The following PLCD1 variants were observed in gnomAD, a reference collection of about 807,000 sequenced individuals.
The protein encoded by PLCD1 is phospholipase C delta 1.
In PLCD1, 71 loss-of-function variants were observed where a neutral mutation model predicts 87.4. The observed-to-expected ratio is 0.81, with a 90% CI of 0.67 to 0.99. The LOEUF (loss-of-function observed/expected upper bound fraction) is 0.99. Ranked by LOEUF, PLCD1 falls within the 50% of genes least tolerant of loss-of-function variation. The pLI is 0.00. For missense variants in PLCD1, 867 were observed against 1,001.5 expected, an observed-to-expected ratio of 0.87 and a Z score of 1.81; for synonymous variants, 348 against 399.2, an observed-to-expected ratio of 0.87 and a Z score of 1.53.
At chr3:38,028,813 GGGCAAAGAGCT>G (rs1700333274) in intron 1 of PLCD1, among the ~76,000 whole-genome samples, 1 of 152,222 alleles carries the variant, frequency 6.6e-6, no homozygotes, top group Admixed American at 6.5e-5. Context: ...GACAGCGAAA[GGGCAAAGAGCT>G]GGCTCATATT....
Position 38,008,086 on chromosome 3 carries a change from C to A in PLCD1, c.2113G>T (p.Glu705Ter). ...PDLALIRFLVEDYDASSKNDF... is the reference protein window; with the variant it reads ...PDLALIRFLV The stretch of plus-strand genomic sequence containing the variant: ...TTCTTGGAGGAGGCATCATAATCTT[C>A]CACCAAGAAGCGGATGAGGGCAAGG... The change falls in exon 14 of 15, where the codon GAA (glutamate) becomes TAA (stop). Residue 705 changes from glutamate to a stop codon, truncating the protein, a stop_gained. Transcript: ENST00000334661. LOFTEE classifies it high-confidence loss of function. 6.2e-7 allele frequency: 1 copy of A among 1,614,202 alleles called. No individual in the cohort carries two copies.
intron 11 of PLCD1, 94 bp from the exon 12 acceptor site, chr3:38,008,730 G>T: frequency 8.6e-7 from 1 of 1,156,516 alleles, no homozygotes; most frequent in Non-Finnish European, 1.3e-6. Flanking sequence ...AGGGTCACAT[G>T]GTGAGTTAGC....
At chr3:38,012,948 G>C (rs541152005) in intron 3 of PLCD1, among the ~76,000 whole-genome samples, 99 of 152,234 alleles carry the variant, frequency 6.5e-4, no homozygotes, top group African/African-American at 2.3e-3. Context: ...CTGTTGCCCA[G>C]GCTTGAGTGC....
At chr3:38,011,126 C>A in intron 5 of PLCD1, 88 bp downstream of exon 5, 1 of 1,067,590 alleles carries the variant, frequency 9.4e-7, no homozygotes, top group Non-Finnish European at 1.4e-6. Flanking sequence ...CCTCCGGTTC[C>A]CTTCTTTCTG....
At chr3:38,016,370 A>G (rs1173088412) in intron 3 of PLCD1, 121 bp downstream of exon 3, 2 of 723,876 alleles carry the variant, frequency 2.8e-6, no homozygotes, top group African/African-American at 1.7e-5. Flanking sequence ...TAAGCCACCT[A>G]TGATATTTTG....
chr3:38,007,768 C>G lies in PLCD1; in HGVS notation c.*5G>C. On this transcript the variant is annotated 3_prime_UTR_variant, in exon 15 of 15. Coordinates refer to ENST00000334661, the MANE Select transcript of PLCD1 (RefSeq NM_006225.4). Reference sequence around the variant, plus strand: ...TCAGGGGGGACCCCACTGGCTTCCTCCAGCCTAGTCCTGGAGGGAGATCTT... The same window carrying G: ...TCAGGGGGGACCCCACTGGCTTCCTGCAGCCTAGTCCTGGAGGGAGATCTT... The G allele has an allele frequency of 6.2e-7, 1 of 1,612,470 alleles. No homozygotes were observed. Among genetic ancestry groups the G allele is most frequent in the Non-Finnish European group, 8.5e-7 (1 of 1,178,606 alleles).
In PLCD1 at chr3:38,024,469, G is replaced by A. The variant is rs760038918; in HGVS notation, c.35-4117C>T. On this transcript the variant is annotated intron_variant, in intron 1 of 14. Transcript: ENST00000334661. The stretch of plus-strand genomic sequence containing the variant: ...AGTGCCCCTGCCTGCGCGGAGCCGG[G>A]TCCGGGGCAGTGCCGCCTCCAGTGT... The A allele has an allele frequency of 1.6e-5, 25 of 1,590,864 alleles. No homozygotes were observed. The African/African-American group carries it at 2.8e-4, about 18-fold the overall frequency.
At position 38,008,261 on chromosome 3, in the gene PLCD1, C is replaced by T. The variant is rs139342994; in HGVS notation, c.2009G>A (p.Arg670His). ...ATTGTTGGTGATGACAGCAGTCTGG[C>T]GGCTGGCCACGTCCCGGCTCACGCC... ...IHGVSRDVAS[R>H]QTAVITNNGF... The change falls in exon 13 of 15, where the codon CGC becomes CAC. Residue 670 changes from arginine to histidine, a missense_variant. Arg to His is a conservative substitution (Grantham distance 29). Transcript: ENST00000334661. 402 of 1,614,022 alleles carry T rather than the reference C, an allele frequency of 2.5e-4. No individual in the cohort carries two copies. The Middle Eastern group carries it at 3.1e-3, about 13-fold the overall frequency.
At chr3:38,009,189 GA>G (rs1559370961) in intron 10 of PLCD1, 31 bp from the exon 11 acceptor site, 1 of 1,611,104 alleles carries the variant, frequency 6.2e-7, no homozygotes, top group African/African-American at 1.3e-5. Context: ...GTCAGCAGTG[GA>G]GGCCTCCTGG....
chr3:38,024,856 A>C, intron 1 of PLCD1: 3 of 563,850 alleles, frequency 5.3e-6, no homozygotes, highest in Non-Finnish European at 5.2e-6. Flanking sequence ...GGGACTAACG[A>C]CCCCTGGAGA....
chr3:38,015,521 A>C (rs1315030024), intron 3 of PLCD1, among the ~76,000 whole-genome samples: 1 of 152,212 alleles, frequency 6.6e-6, no homozygotes, highest in Non-Finnish European at 1.5e-5. Flanking sequence ...ATGGCTGCAC[A>C]ATTCTGTGAA....
rs2125552209 is a variant in PLCD1 at position 38,025,584 on chromosome 3, A to C, written c.34+3922T>G. Among the ~76,000 whole-genome samples, 1 of 152,360 alleles carries C rather than the reference A, an allele frequency of 6.6e-6. No homozygotes were observed. Among genetic ancestry groups the C allele is most frequent in the African/African-American group, 2.4e-5 (1 of 41,588 alleles). ...TTTGACCACCAAAGTGATAATCCCC[A>C]AGGTGACGGATGCAAACGAAATTCT... On this transcript the variant is annotated intron_variant, in intron 1 of 14. Coordinates refer to ENST00000334661, the MANE Select transcript of PLCD1 (RefSeq NM_006225.4). This position sits in a 1 kb window ranked among gnomAD's most constrained non-coding sequence, Gnocchi z 4.0.
At chr3:38,019,833 G>A (rs955341448) in intron 2 of PLCD1, among the ~76,000 whole-genome samples, 4 of 152,106 alleles carry the variant, frequency 2.6e-5, no homozygotes, top group South Asian at 2.1e-4. Context: ...TTGGGCCACC[G>A]TCCAACTCCC....
chr3:38,024,198 C>T (rs1700274215), intron 1 of PLCD1: 2 of 739,976 alleles, frequency 2.7e-6, no homozygotes, highest in East Asian at 5.4e-5. Context: ...CAGTGGGCCA[C>T]ACACTCACAG....
chr3:38,011,659 C>G lies in PLCD1; in HGVS notation c.443G>C (p.Cys148Ser). The G allele has an allele frequency of 6.2e-7, 1 of 1,614,202 alleles. No individual in the cohort carries two copies. The highest frequency in any genetic ancestry group is 8.5e-7 in the Non-Finnish European group (1 of 1,180,018). ...CTTGTTTTTGTCAGCTTTTCGCAAG[C>G]AGGAGTGAATCCAGCTGGGCAAGAA... ...RQKLQHWIHS[C>S]LRKADKNKDN... Residue 148 changes from cysteine to serine, a missense_variant, in exon 4 of 15, where the codon TGC becomes TCC. Coordinates refer to ENST00000334661, the MANE Select transcript of PLCD1 (RefSeq NM_006225.4).
At chr3:38,020,826 C>T (rs1244094338) in intron 1 of PLCD1, among the ~76,000 whole-genome samples, 2 of 152,158 alleles carry the variant, frequency 1.3e-5, no homozygotes, top group Admixed American at 1.3e-4. Flanking sequence ...GGGGGACAGA[C>T]ACAGATGGAC....
At chr3:38,013,755 C>T (rs1700117358) in intron 3 of PLCD1, among the ~76,000 whole-genome samples, 1 of 152,200 alleles carries the variant, frequency 6.6e-6, no homozygotes, top group Admixed American at 6.5e-5. Context: ...AAGGTCAAGG[C>T]TCTGCCAAAG....
rs76520765 is a variant in PLCD1, at chr3:38,011,790, T to C, written c.429-117A>G. ...AGCCACAGCTCCCTGCAGGCCTGAC[T>C]TACTACACATCCATGTTTCAGTGGC... On this transcript the variant is annotated intron_variant, in intron 3 of 14. Coordinates refer to ENST00000334661, the MANE Select transcript of PLCD1 (RefSeq NM_006225.4). 562 of 912,390 alleles carry C rather than the reference T, an allele frequency of 6.2e-4. 6 individuals carry two copies. In the East Asian group the frequency reaches 0.011, roughly 17 times the overall value. The allele number at this position is 912,390 out of a possible 1,614,324, so 56.5% of individuals were successfully genotyped here.
chr3:38,009,369 G>T lies in PLCD1; in HGVS notation c.1509C>A (p.His503Gln), dbSNP rs1346281110. The change falls in exon 10 of 15, where the codon CAC (histidine) becomes CAA (glutamine). Residue 503 changes from histidine (H) to glutamine (Q), a missense_variant. Transcript: ENST00000334661. ...TGCCAGGACTGGAGAAGCCCCCAAA[G>T]TGGACACTCTTGCAGTAAATGACCA... is the stretch of plus-strand genomic sequence containing the variant. The part of the protein sequence containing the change: ...SDMVIYCKSV[H>Q]FGGFSSPGTP... The T allele has an allele frequency of 9.3e-6, 15 of 1,614,082 alleles. No homozygotes were observed. The highest frequency in any genetic ancestry group is 1.3e-5 in the Non-Finnish European group (15 of 1,180,020).
Sources: allele counts gnomAD v4.1 joint callset (sites outside exome capture counted in the v4.1 genomes callset), GRCh38; gene constraint gnomAD v4.1.1; non-coding constraint Gnocchi (gnomAD v3.1); transcripts MANE v1.5; gene names NCBI Gene and HGNC (gene_info 2026-07-23, HGNC 2026-07-21).